ACSL1: variants seen among roughly 807,000 people sequenced by gnomAD.
The protein encoded by ACSL1 is acyl-CoA synthetase long chain family member 1.
Under a neutral mutation model 98.4 loss-of-function variants are expected in ACSL1, and 41 were observed. The observed-to-expected ratio is 0.42, with a 90% confidence interval of 0.32 to 0.54. ACSL1 has a LOEUF of 0.54. ACSL1 is among the 20% of genes least tolerant of loss of function. The pLI, the probability that ACSL1 is intolerant of heterozygous loss-of-function variation, is 0.13. For missense variants in ACSL1, 734 were observed against 883.1 expected (o/e 0.83, Z 2.14); for synonymous variants, 316 against 322.7 (o/e 0.98, Z 0.22).
chr4:184,815,531 C>T (rs976125322), intron 1 of ACSL1, among the ~76,000 whole-genome samples: 2 of 152,084 alleles, frequency 1.3e-5, no homozygotes, highest in Admixed American at 6.6e-5. Flanking sequence ...TCCTTGTCTT[C>T]AAGGAGTCCA....
In ACSL1 at chr4:184,756,026, C is replaced by T. The variant is rs576643105; in HGVS notation, c.*1099G>A. The T allele has an allele frequency of 6.6e-5, 10 of 152,418 alleles. No individual in the cohort carries two copies. The East Asian group carries it at 1.7e-3, about 26-fold the overall frequency. The allele number at this position is 152,418 out of a possible 1,614,324, so 9.4% of individuals were successfully genotyped here. A position where few individuals can be genotyped will look rare whatever the true frequency, so the allele number is the denominator to read the frequency against. On this transcript the variant is annotated 3_prime_UTR_variant, in exon 21 of 21. Coordinates refer to ENST00000281455, the MANE Select transcript of ACSL1 (RefSeq NM_001995.5). Reference sequence around the variant, plus strand: ...TCCTAGAATTTTGGCTTGTCAAACACATTTCATAGAAATCAGGTAGCATTA... The same window carrying T: ...TCCTAGAATTTTGGCTTGTCAAACATATTTCATAGAAATCAGGTAGCATTA...
At chr4:184,813,919 C>T (rs769869555) in intron 1 of ACSL1, 1 of 454,712 alleles carries the variant, frequency 2.2e-6, no homozygotes, top group South Asian at 1.5e-5. Flanking sequence ...GTACCTAGAT[C>T]CTGGGGTCCT....
At chr4:184,780,858 A>G (rs1432256461) in intron 4 of ACSL1, among the ~76,000 whole-genome samples, 1 of 152,180 alleles carries the variant, frequency 6.6e-6, no homozygotes, top group Non-Finnish European at 1.5e-5. Flanking sequence ...AAAAAATAAG[A>G]GCAAGCTCTT....
intron 5 of ACSL1, among the ~76,000 whole-genome samples, chr4:184,780,002 A>G (rs918740032): frequency 3.3e-5 from 5 of 151,912 alleles, no homozygotes; most frequent in Admixed American, 2.0e-4. Context: ...CCTCCCGAGT[A>G]GCTGGGATTA....
chr4:184,773,137 T>C lies in ACSL1; in HGVS notation c.859A>G (p.Met287Val), dbSNP rs751919608. 7 of 1,613,846 alleles carry C rather than the reference T, an allele frequency of 4.3e-6. No individual in the cohort carries two copies. The highest frequency in any genetic ancestry group is 4.5e-5 in the East Asian group (2 of 44,894). ...SGTTGNPKGA[M>V]VTHRNIVSDC... ...CTCACTATGTTTCGGTGAGTGACCA[T>C]TGCTCCTTTGGGGTTGCCTGTGGAG... is the stretch of plus-strand genomic sequence containing the variant. Residue 287 changes from methionine to valine, a missense_variant, in exon 10 of 21, where the codon ATG becomes GTG. Coordinates refer to ENST00000281455, the MANE Select transcript of ACSL1 (RefSeq NM_001995.5). The surrounding 1 kb of genome is among the most constrained non-coding windows in gnomAD (Gnocchi z 4.3).
At chr4:184,815,491 G>GT (rs1019796516) in intron 1 of ACSL1, among the ~76,000 whole-genome samples, 3 of 149,726 alleles carry the variant, frequency 2.0e-5, no homozygotes, top group Non-Finnish European at 4.5e-5. Context: ...CCCAGGCCTG[G>GT]GGGGGGAAAC....
At position 184,768,321 on chromosome 4, in the gene ACSL1, C is replaced by T. The variant is rs1763943710; in HGVS notation, c.1123G>A (p.Asp375Asn). ...VVPRLLNRMF[D>N]RIFGQANTTL... ...CTTCGCTGCTTGGAACTTACTCGGTCAAACATCCGGTTCAGCAGTCTTGGA... is the reference window on the plus strand; with the variant it reads ...CTTCGCTGCTTGGAACTTACTCGGTTAAACATCCGGTTCAGCAGTCTTGGA... Residue 375 changes from aspartate to asparagine, a missense_variant, in exon 12 of 21, where the codon GAC becomes AAC. By Grantham distance (23) the Asp-to-Asn change is conservative. Coordinates refer to ENST00000281455, the MANE Select transcript of ACSL1 (RefSeq NM_001995.5). 6.2e-7 allele frequency: 1 copy of T among 1,611,592 alleles called. No homozygotes were observed. The highest frequency in any genetic ancestry group is 8.5e-7 in the Non-Finnish European group (1 of 1,179,460).
intron 2 of ACSL1, among the ~76,000 whole-genome samples, chr4:184,791,592 C>T (rs138608038): frequency 1.3e-5 from 2 of 152,234 alleles, no homozygotes; most frequent in Admixed American, 6.5e-5. Context: ...AGCAGGTTTC[C>T]AGCAGGGAAG....
rs567522304 is a variant in ACSL1, at chr4:184,766,434, C to G, written c.1263+188G>C. ...CTTTTCCCCCTAGATGGCTGCAATA[C>G]TATTGATCTTAGAAACTGAGGCCTC... is the stretch of plus-strand genomic sequence containing the variant. On this transcript the variant is annotated intron_variant, in intron 13 of 20. Transcript: ENST00000281455. The surrounding 1 kb of genome is among the most constrained non-coding windows in gnomAD (Gnocchi z 4.8). Among the ~76,000 whole-genome samples the G allele has an allele frequency of 3.9e-5, 6 of 152,322 alleles. No homozygotes were observed. The South Asian group carries it at 1.0e-3, about 26-fold the overall frequency.
At chr4:184,762,932 GC>G (rs1763061642) in intron 16 of ACSL1, among the ~76,000 whole-genome samples, 1 of 152,196 alleles carries the variant, frequency 6.6e-6, no homozygotes, top group African/African-American at 2.4e-5. Flanking sequence ...AGGCTCTCCA[GC>G]CCAAATCCCT....
chr4:184,758,770 T>G (rs1383147312), intron 18 of ACSL1: 2 of 152,242 alleles, frequency 1.3e-5, no homozygotes, highest in Admixed American at 6.5e-5. Context: ...TTTTTCTTTT[T>G]TTTTTAAATT....
At chr4:184,777,076 C>T in intron 5 of ACSL1, 93 bp from the exon 6 acceptor site, 2 of 1,142,556 alleles carry the variant, frequency 1.8e-6, no homozygotes, top group Non-Finnish European at 2.6e-6. Context: ...AAAGTGAAAA[C>T]ATTTGACGCA....
At chr4:184,793,657 G>T (rs1414728521) in intron 2 of ACSL1, among the ~76,000 whole-genome samples, 1 of 152,196 alleles carries the variant, frequency 6.6e-6, no homozygotes, top group Non-Finnish European at 1.5e-5. Flanking sequence ...GCGAAAGTGA[G>T]AAGGGAGAGT....
chr4:184,791,409 C>T (rs1768342519), intron 2 of ACSL1, among the ~76,000 whole-genome samples: 1 of 152,194 alleles, frequency 6.6e-6, no homozygotes, highest in South Asian at 2.1e-4. Flanking sequence ...TGCACAGGCT[C>T]ATTCTAGAGC....
rs751559406 is a variant in ACSL1 at position 184,788,623 on chromosome 4, C to T, written c.304G>A (p.Val102Met). Reference protein sequence around the residue: ...LYEGFQRGIQVSNNGPCLGSR... With the variant: ...LYEGFQRGIQMSNNGPCLGSR... ...AATGCAGGAAAATGCTTACTTGACA[C>T]CTGTATTCCCCTCTGGAAACCTTCG... The change falls in exon 3 of 21, where the codon GTG becomes ATG. Residue 102 changes from valine (V) to methionine (M), a missense_variant. Transcript: ENST00000281455. 38 of 1,613,590 alleles carry T rather than the reference C, an allele frequency of 2.4e-5. No individual in the cohort carries two copies. The highest frequency in any genetic ancestry group is 1.6e-4 in the South Asian group (15 of 91,058).
chr4:184,761,785 T>C (rs905886747), intron 17 of ACSL1, among the ~76,000 whole-genome samples: 4 of 151,680 alleles, frequency 2.6e-5, no homozygotes, highest in Non-Finnish European at 5.9e-5. Flanking sequence ...AAAGCCACTG[T>C]CTCTTTGTAT....
Position 184,773,655 on chromosome 4 carries a change from A to G in ACSL1, c.841+8T>C. 1 of 1,611,370 alleles carries G rather than the reference A, an allele frequency of 6.2e-7. No individual in the cohort carries two copies. Among genetic ancestry groups the G allele is most frequent in the Middle Eastern group, 1.7e-4 (1 of 6,052 alleles). On this transcript the variant is annotated splice_region_variant and intron_variant, in intron 9 of 20. Transcript: ENST00000281455. This position sits in a 1 kb window ranked among gnomAD's most constrained non-coding sequence, Gnocchi z 4.3. ...CATATGTAGAAGCAATTCTATCTCA[A>G]AACTCACCTGTAGTTCCACTTGTGA...
chr4:184,777,529 A>C (rs890107964), intron 5 of ACSL1, among the ~76,000 whole-genome samples: 2 of 151,732 alleles, frequency 1.3e-5, no homozygotes, highest in Non-Finnish European at 2.9e-5. Context: ...AGAAAGAAAG[A>C]TGAGAGGACA....
intron 1 of ACSL1, among the ~76,000 whole-genome samples, chr4:184,811,351 A>G (rs1357409120): frequency 4.6e-5 from 7 of 152,072 alleles, no homozygotes; most frequent in Non-Finnish European, 2.9e-5. Flanking sequence ...CGACTTTGTG[A>G]TCTGCCCGCC....
Sources: allele counts gnomAD v4.1 joint callset (sites outside exome capture counted in the v4.1 genomes callset), GRCh38; gene constraint gnomAD v4.1.1; non-coding constraint Gnocchi (gnomAD v3.1); transcripts MANE v1.5; gene names NCBI Gene and HGNC (gene_info 2026-07-23, HGNC 2026-07-21).